The following AUTS2 variants were observed in gnomAD, a reference collection of about 807,000 sequenced individuals.
AUTS2 encodes activator of transcription and developmental regulator AUTS2.
In AUTS2, 17 loss-of-function variants were observed where a neutral mutation model predicts 112.4. The ratio of observed to expected loss-of-function variants is 0.15; its 90% confidence interval spans 0.10 to 0.23. AUTS2 has a LOEUF of 0.23. Ranked by LOEUF, AUTS2 falls within the 10% of genes least tolerant of loss-of-function variation. The pLI is 1.00. For missense variants in AUTS2, 1,510 were observed against 1,701.6 expected (o/e 0.89, Z 1.98); for synonymous variants, 751 against 702.7 (o/e 1.07, Z -1.09).
At chr7:69,682,373 G>A (rs1796837211) in intron 1 of AUTS2, among the ~76,000 whole-genome samples, 1 of 152,118 alleles carries the variant, frequency 6.6e-6, no homozygotes, top group South Asian at 2.1e-4. Context: ...AATGACTGTG[G>A]GGCCTGAGTG....
intron 4 of AUTS2, among the ~76,000 whole-genome samples, chr7:70,196,339 T>C (rs1381229583): frequency 2.0e-5 from 3 of 152,210 alleles, no homozygotes; most frequent in Non-Finnish European, 2.9e-5. Flanking sequence ...TTGTGGGGAA[T>C]GGGTGAGGGA....
At chr7:70,256,021 A>G (rs1022493048) in intron 4 of AUTS2, among the ~76,000 whole-genome samples, 5 of 152,178 alleles carry the variant, frequency 3.3e-5, no homozygotes, top group African/African-American at 1.2e-4. Context: ...CCTGAACACC[A>G]GGGCTGCTTT....
At chr7:70,737,478 G>A (rs1787841427) in intron 6 of AUTS2, among the ~76,000 whole-genome samples, 1 of 152,216 alleles carries the variant, frequency 6.6e-6, no homozygotes, top group Non-Finnish European at 1.5e-5. Flanking sequence ...GTGCAAGATA[G>A]AAATATCTTA....
chr7:70,067,007 C>T (rs1363393874), intron 2 of AUTS2, among the ~76,000 whole-genome samples: 2 of 152,148 alleles, frequency 1.3e-5, no homozygotes, highest in Non-Finnish European at 2.9e-5. Flanking sequence ...AGTCAGGAGG[C>T]TTGTTAACTT....
chr7:69,996,759 T>A (rs918443382), intron 2 of AUTS2, among the ~76,000 whole-genome samples: 1 of 152,112 alleles, frequency 6.6e-6, no homozygotes, highest in Non-Finnish European at 1.5e-5. Flanking sequence ...ACTCCCCTGC[T>A]ATATTTGTTA....
chr7:70,026,031 A>G (rs1056105243), intron 2 of AUTS2, among the ~76,000 whole-genome samples: 2 of 152,028 alleles, frequency 1.3e-5, no homozygotes, highest in Non-Finnish European at 2.9e-5. Flanking sequence ...TCACTGATGG[A>G]TTGCTTTGTT....
chr7:70,666,653 T>TG (rs71703601), intron 5 of AUTS2, among the ~76,000 whole-genome samples: 1 of 141,942 alleles, frequency 7.0e-6, no homozygotes, highest in Non-Finnish European at 1.5e-5. Flanking sequence ...TCCCACCACA[T>TG]TTTTTTTTAT....
chr7:69,972,157 T>A (rs551067027), intron 2 of AUTS2, among the ~76,000 whole-genome samples: 4 of 152,310 alleles, frequency 2.6e-5, no homozygotes, highest in Admixed American at 2.6e-4. Context: ...ACTGATGGTG[T>A]CCAGTGATGG....
chr7:70,433,769 C>G (rs1427396061), intron 4 of AUTS2, among the ~76,000 whole-genome samples: 1 of 152,196 alleles, frequency 6.6e-6, no homozygotes, highest in African/African-American at 2.4e-5. Flanking sequence ...GTCTATAAGA[C>G]TGTGATATAA....
At chr7:69,999,038 T>C (rs1028415333) in intron 2 of AUTS2, among the ~76,000 whole-genome samples, 2 of 152,150 alleles carry the variant, frequency 1.3e-5, no homozygotes, top group African/African-American at 4.8e-5. Flanking sequence ...ATAAGAGTTT[T>C]ATGGATTTGG....
chr7:70,118,516 C>T (rs1218591105), intron 3 of AUTS2: 8 of 222,168 alleles, frequency 3.6e-5, no homozygotes, highest in Admixed American at 3.5e-4. Context: ...CGGTGGCTCA[C>T]GCCTGTAATC....
chr7:70,607,580 T>G (rs1803851683), intron 5 of AUTS2, among the ~76,000 whole-genome samples: 1 of 152,214 alleles, frequency 6.6e-6, no homozygotes, highest in Non-Finnish European at 1.5e-5. Flanking sequence ...TGAGCACGAT[T>G]ACCAGATGTC....
chr7:70,653,231 G>C (rs1806602300), intron 5 of AUTS2, among the ~76,000 whole-genome samples: 1 of 151,950 alleles, frequency 6.6e-6, no homozygotes, highest in South Asian at 2.1e-4. Context: ...AATAGAGTGA[G>C]ACCTTGTCTC....
intron 4 of AUTS2, among the ~76,000 whole-genome samples, chr7:70,342,356 C>T (rs189377299): frequency 6.6e-6 from 1 of 150,838 alleles, no homozygotes; most frequent in Admixed American, 6.6e-5. Context: ...AAGTCGCTTG[C>T]CAGAAGATCG....
chr7:70,237,057 G>T (rs968376073), intron 4 of AUTS2, among the ~76,000 whole-genome samples: 3 of 152,180 alleles, frequency 2.0e-5, no homozygotes, highest in Non-Finnish European at 4.4e-5. Flanking sequence ...CAGCCCCTTT[G>T]TTATTTAGAT....
At chr7:70,419,235 C>G (rs1156781844) in intron 4 of AUTS2, among the ~76,000 whole-genome samples, 2 of 152,114 alleles carry the variant, frequency 1.3e-5, no homozygotes, top group Admixed American at 1.3e-4. Context: ...ACAACCCTGG[C>G]ACCTTGACCT....
At chr7:69,971,196 C>A (rs1797835848) in intron 2 of AUTS2, among the ~76,000 whole-genome samples, 2 of 151,978 alleles carry the variant, frequency 1.3e-5, no homozygotes, top group South Asian at 4.2e-4. Context: ...ATTTTTCCCC[C>A]CTAAATGCTA....
At chr7:69,716,841 T>C (rs1359650636) in intron 1 of AUTS2, among the ~76,000 whole-genome samples, 1 of 152,152 alleles carries the variant, frequency 6.6e-6, no homozygotes, top group Non-Finnish European at 1.5e-5. Flanking sequence ...AATTTGCTTA[T>C]GTTTGCCCAC....
intron 15 of AUTS2, chr7:70,783,797 C>A (rs1036525916): frequency 1.3e-5 from 2 of 152,218 alleles, no homozygotes; most frequent in Non-Finnish European, 2.9e-5. Flanking sequence ...GCAAATCTCT[C>A]GTCTAGGACA....
Sources: allele counts gnomAD v4.1 joint callset (sites outside exome capture counted in the v4.1 genomes callset), GRCh38; gene constraint gnomAD v4.1.1; transcripts MANE v1.5; gene names NCBI Gene and HGNC (gene_info 2026-07-23, HGNC 2026-07-21).